Variants in CEBPZ observed in about 807,000 individuals in gnomAD.
The protein encoded by CEBPZ is CCAAT enhancer binding protein zeta.
In CEBPZ, 78 loss-of-function variants were observed where a neutral mutation model predicts 104.5. That is an observed-to-expected ratio of 0.75 (90% CI 0.62 to 0.90). The LOEUF (loss-of-function observed/expected upper bound fraction) is 0.90, where lower values mean the gene tolerates loss of function less well. Among genes scored for constraint, CEBPZ ranks in the 40% least tolerant of loss-of-function variants. The probability of loss-of-function intolerance (pLI) is 0.00; values close to 1 mark genes in which losing one functional copy is unlikely to be tolerated. For synonymous variants in CEBPZ, 470 were observed against 427.0 expected (o/e 1.10, Z -1.24); for missense variants, 1,439 against 1,233.5 (o/e 1.17, Z -2.50).
intron 12 of CEBPZ, 144 bp downstream of exon 12, chr2:37,211,699 G>A (rs1158880203): frequency 6.0e-5 from 36 of 600,014 alleles, no homozygotes; most frequent in Non-Finnish European, 9.1e-5. Flanking sequence ...CAAACGAGAA[G>A]GGAAAAGGTC....
chr2:37,202,843 T>A lies in CEBPZ; in HGVS notation c.2966A>T (p.Asn989Ile), dbSNP rs1345208074. ...AATGTTATCAAACTTGGATCCCATA[T>A]TTTCATCCAATAGATGGCCAAACTT... The part of the protein sequence containing the change: ...AEEFGHLLDE[N>I]MGSKFDNIGM... Residue 989 changes from asparagine (N) to isoleucine (I), a missense_variant, in exon 15 of 16, where the codon AAT becomes ATT. Physicochemically the swap from Asn to Ile is moderately radical, Grantham distance 149. Transcript: ENST00000234170. The A allele has an allele frequency of 6.2e-7, 1 of 1,602,336 alleles. No individual in the cohort carries two copies. Among genetic ancestry groups the A allele is most frequent in the Non-Finnish European group, 8.5e-7 (1 of 1,174,822 alleles).
intron 2 of CEBPZ, 124 bp from the exon 3 acceptor site, chr2:37,223,525 C>A (rs569734660): frequency 3.9e-6 from 3 of 767,084 alleles, no homozygotes; most frequent in Non-Finnish European, 6.2e-6. Flanking sequence ...TATTTTAGAA[C>A]AAGAGACCCT....
chr2:37,222,031 C>G (rs1264388655), intron 4 of CEBPZ, among the ~76,000 whole-genome samples: 1 of 152,320 alleles, frequency 6.6e-6, no homozygotes, highest in East Asian at 1.9e-4. Flanking sequence ...CGCCTGTAAT[C>G]CCAGCACTTT....
At chr2:37,223,465 T>A in intron 2 of CEBPZ, 64 bp from the exon 3 acceptor site, 2 of 1,372,400 alleles carry the variant, frequency 1.5e-6, no homozygotes, top group Non-Finnish European at 2.1e-6. Context: ...AATGGTCACA[T>A]ATTAGAAATA....
At position 37,227,702 on chromosome 2, in the gene CEBPZ, G is replaced by C; in HGVS notation, c.1491C>G (p.Ser497=). The C allele has an allele frequency of 6.2e-7, 1 of 1,614,022 alleles. No homozygotes were observed. Among genetic ancestry groups the C allele is most frequent in the Non-Finnish European group, 8.5e-7 (1 of 1,180,000 alleles). Residue 497 remains serine (S), a synonymous_variant, in exon 2 of 16, where the codon TCC becomes TCG. Transcript: ENST00000234170. ...CCCTTACTTTGTCATCACCAGTCTGGGAATAAGGGTATGCCCTATTCACAC... is the reference window on the plus strand; with the variant it reads ...CCCTTACTTTGTCATCACCAGTCTGCGAATAAGGGTATGCCCTATTCACAC... ...LTGVNRAYPY[S]QTGDDKVREQ...
intron 2 of CEBPZ, among the ~76,000 whole-genome samples, chr2:37,226,979 C>A (rs745423798): frequency 6.6e-6 from 1 of 152,160 alleles, no homozygotes; most frequent in Non-Finnish European, 1.5e-5. Context: ...TGTTTACCAC[C>A]GCTCCCCTCT....
intron 13 of CEBPZ, chr2:37,208,865 G>C (rs1409844554): frequency 6.6e-6 from 1 of 152,080 alleles, no homozygotes; most frequent in Admixed American, 6.5e-5. Context: ...ATTCACCGAT[G>C]ATATGATAGC....
intron 5 of CEBPZ, among the ~76,000 whole-genome samples, chr2:37,219,928 G>A (rs1232252393): frequency 6.6e-6 from 1 of 152,068 alleles, no homozygotes; most frequent in Non-Finnish European, 1.5e-5. Flanking sequence ...ACTTCACATA[G>A]TATCTTCCCC....
intron 15 of CEBPZ, 160 bp downstream of exon 15, chr2:37,202,624 A>C: frequency 2.2e-6 from 1 of 460,156 alleles, no homozygotes; most frequent in Middle Eastern, 6.3e-4. Flanking sequence ...CAACCTGGGC[A>C]AGGGAGTGAG....
intron 1 of CEBPZ, among the ~76,000 whole-genome samples, chr2:37,230,544 C>T (rs1218892650): frequency 2.0e-5 from 3 of 152,160 alleles, no homozygotes; most frequent in Non-Finnish European, 4.4e-5. Flanking sequence ...ACTAACTCCT[C>T]CACCTTGAAA....
At chr2:37,214,783 T>C in intron 9 of CEBPZ, 103 bp downstream of exon 9, 2 of 708,248 alleles carry the variant, frequency 2.8e-6, no homozygotes, top group Non-Finnish European at 2.4e-6. Context: ...CACACAGTAG[T>C]AGATTATTGA....
rs764979950 is a variant in CEBPZ, at chr2:37,211,902, A to C, written c.2741T>G (p.Val914Gly). The C allele has an allele frequency of 1.9e-6, 3 of 1,612,548 alleles. No individual in the cohort carries two copies. Among genetic ancestry groups the C allele is most frequent in the Non-Finnish European group, 1.7e-6 (2 of 1,179,570 alleles). ...CATGAATGTTCCTCCATCTTCATCAACTTCAGCAAATTCTTCATCATCCAT... is the reference window on the plus strand; with the variant it reads ...CATGAATGTTCCTCCATCTTCATCACCTTCAGCAAATTCTTCATCATCCAT... ...GSMDDEEFAE[V>G]DEDGGTFMDV... The change falls in exon 12 of 16, where the codon GTT (valine) becomes GGT (glycine). Residue 914 changes from valine (V) to glycine (G), a missense_variant. By Grantham distance (109) the Val-to-Gly change is moderately radical. Transcript: ENST00000234170.
intron 2 of CEBPZ, among the ~76,000 whole-genome samples, chr2:37,225,064 A>AAACT (rs1664850599): frequency 6.6e-6 from 1 of 151,550 alleles, no homozygotes; most frequent in African/African-American, 2.4e-5. Context: ...ACAAACAAAC[A>AAACT]AACAAACTAA....
At chr2:37,201,935 A>G (rs773958368) in intron 15 of CEBPZ, 32 bp from the exon 16 acceptor site, 1 of 1,598,950 alleles carries the variant, frequency 6.3e-7, no homozygotes, top group South Asian at 1.1e-5. Flanking sequence ...TGAGTGTACT[A>G]CCACACTGTA....
chr2:37,212,848 A>C (rs1251100697), intron 10 of CEBPZ, among the ~76,000 whole-genome samples: 10 of 149,346 alleles, frequency 6.7e-5, no homozygotes, highest in Admixed American at 2.7e-4. Flanking sequence ...AAAAAAAAAA[A>C]AAACAAAAAC....
At chr2:37,205,514 C>T (rs1364461917) in intron 13 of CEBPZ, among the ~76,000 whole-genome samples, 1 of 152,158 alleles carries the variant, frequency 6.6e-6, no homozygotes, top group African/African-American at 2.4e-5. Flanking sequence ...AAAATGGCCC[C>T]ACCCCTATCT....
chr2:37,229,235 G>A (rs114779980), intron 1 of CEBPZ, among the ~76,000 whole-genome samples, 199 bp from the exon 2 acceptor site: 58 of 150,406 alleles, frequency 3.9e-4, no homozygotes, highest in Non-Finnish European at 5.3e-4. Context: ...ACACACACAC[G>A]CACACACACT....
intron 13 of CEBPZ, among the ~76,000 whole-genome samples, chr2:37,205,358 C>G (rs1677500348): frequency 6.6e-6 from 1 of 152,188 alleles, no homozygotes; most frequent in African/African-American, 2.4e-5. Context: ...CCTGCCTTAA[C>G]TGATGACATT....
At position 37,228,753 on chromosome 2, in the gene CEBPZ, G is replaced by A. The variant is rs756676228; in HGVS notation, c.440C>T (p.Pro147Leu). 6.2e-6 allele frequency: 10 copies of A among 1,614,066 alleles called. No homozygotes were observed. The highest frequency in any genetic ancestry group is 5.5e-5 in the South Asian group (5 of 91,080). Reference sequence around the variant, plus strand: ...GGTACTGCCATTCTCATCAGAATGTGGTTCTGGCCTATTCTTATTTTTCAC... The same window carrying A: ...GGTACTGCCATTCTCATCAGAATGTAGTTCTGGCCTATTCTTATTTTTCAC... ...NKVKNKNRPE[P>L]HSDENGSTTP... Residue 147 changes from proline (P) to leucine (L), a missense_variant, in exon 2 of 16, where the codon CCA (proline) becomes CTA (leucine). Physicochemically the swap from Pro to Leu is moderately conservative, Grantham distance 98. Transcript: ENST00000234170.
Sources: allele counts gnomAD v4.1 joint callset (sites outside exome capture counted in the v4.1 genomes callset), GRCh38; gene constraint gnomAD v4.1.1; transcripts MANE v1.5; gene names NCBI Gene and HGNC (gene_info 2026-07-23, HGNC 2026-07-21).